PABPC4L: variants seen among roughly 807,000 people sequenced by gnomAD.
The protein encoded by PABPC4L is poly(A) binding protein cytoplasmic 4 like, also known as polyadenylate-binding protein 4-like.
For synonymous variants in PABPC4L, 169 were observed against 164.1 expected, an observed-to-expected ratio of 1.03 and a Z score of -0.23; for missense variants, 452 against 451.4, an observed-to-expected ratio of 1.00 and a Z score of -0.01.
the PABPC4L span, among the ~76,000 whole-genome samples, chr4:134,137,743 C>G: frequency 2.0e-5 from 3 of 151,958 alleles, no homozygotes; most frequent in East Asian, 5.8e-4. Context: ...GTAGTTCCAT[C>G]CTACATTCTT....
the PABPC4L span, among the ~76,000 whole-genome samples, chr4:133,990,506 G>A: frequency 6.6e-6 from 1 of 152,116 alleles, no homozygotes; most frequent in Admixed American, 6.6e-5. Context: ...GCAGACTCTG[G>A]CTGAGTAACA....
chr4:134,101,815 T>C, the PABPC4L span, among the ~76,000 whole-genome samples: 1 of 151,482 alleles, frequency 6.6e-6, no homozygotes, highest in Non-Finnish European at 1.5e-5. Context: ...CCTAAATAAA[T>C]ATATGGTAAG....
chr4:134,037,643 A>C, the PABPC4L span, among the ~76,000 whole-genome samples: 1 of 152,166 alleles, frequency 6.6e-6, no homozygotes, highest in East Asian at 1.9e-4. Context: ...ACAAATGGTT[A>C]ATAAACATGT....
At chr4:134,099,659 T>C in the PABPC4L span, among the ~76,000 whole-genome samples, 860 of 151,748 alleles carry the variant, frequency 5.7e-3, 7 homozygotes, top group African/African-American at 0.019. Context: ...ACTCTGCAAT[T>C]GTAAAGGAGT....
the PABPC4L span, among the ~76,000 whole-genome samples, chr4:134,045,169 TATC>T: frequency 6.1e-3 from 933 of 152,298 alleles, 6 homozygotes; most frequent in African/African-American, 0.021. Context: ...TCCTCTGAAA[TATC>T]AGCTCTAAAA....
At chr4:134,117,500 T>A in the PABPC4L span, among the ~76,000 whole-genome samples, 1 of 151,780 alleles carries the variant, frequency 6.6e-6, no homozygotes, top group Admixed American at 6.6e-5. Flanking sequence ...ATTTGAGAGA[T>A]CCTGAGCCAG....
At chr4:134,068,280 T>C in the PABPC4L span, among the ~76,000 whole-genome samples, 1 of 152,168 alleles carries the variant, frequency 6.6e-6, no homozygotes, top group African/African-American at 2.4e-5. Flanking sequence ...TGTAATATCC[T>C]TCTTTGTCTC....
the PABPC4L span, among the ~76,000 whole-genome samples, chr4:134,029,735 A>G: frequency 1.3e-5 from 2 of 151,878 alleles, no homozygotes; most frequent in African/African-American, 4.8e-5. Context: ...GGACATTTAT[A>G]TATATAACAT....
At chr4:134,025,167 C>T in the PABPC4L span, among the ~76,000 whole-genome samples, 1 of 151,164 alleles carries the variant, frequency 6.6e-6, no homozygotes, top group Admixed American at 6.6e-5. Context: ...CCCGTCTCTA[C>T]TAAACAAATA....
chr4:134,156,443 C>T, the PABPC4L span, among the ~76,000 whole-genome samples: 9 of 151,898 alleles, frequency 5.9e-5, no homozygotes, highest in African/African-American at 2.2e-4. Flanking sequence ...GATTAGCTCT[C>T]CAAGGATATT....
chr4:134,098,998 T>C, the PABPC4L span, among the ~76,000 whole-genome samples: 438 of 151,648 alleles, frequency 2.9e-3, 2 homozygotes, highest in African/African-American at 9.9e-3. Context: ...CTGATTCAAG[T>C]GGAGTTTAGA....
the PABPC4L span, among the ~76,000 whole-genome samples, chr4:134,068,497 T>G: frequency 1.3e-5 from 2 of 152,112 alleles, no homozygotes; most frequent in Admixed American, 6.5e-5. Flanking sequence ...TGCCTTTTCA[T>G]TGGTGTATTT....
chr4:133,949,478 G>A, the PABPC4L span, among the ~76,000 whole-genome samples: 1 of 152,188 alleles, frequency 6.6e-6, no homozygotes, highest in African/African-American at 2.4e-5. Context: ...TCCACCCCCA[G>A]TGAAGGGGCT....
At chr4:134,105,590 TTATC>T in the PABPC4L span, among the ~76,000 whole-genome samples, 14 of 151,772 alleles carry the variant, frequency 9.2e-5, no homozygotes, top group African/African-American at 2.6e-4. Flanking sequence ...TTTAAAATAT[TTATC>T]TAAGTTTTCT....
the PABPC4L span, among the ~76,000 whole-genome samples, chr4:134,026,242 T>A: frequency 1.2e-3 from 92 of 74,516 alleles, no homozygotes; most frequent in Non-Finnish European, 2.2e-3. Flanking sequence ...ATTTTTGCGA[T>A]TTTTTTTTTT....
the PABPC4L span, among the ~76,000 whole-genome samples, chr4:134,183,942 A>G: frequency 4.0e-4 from 61 of 151,562 alleles, no homozygotes; most frequent in Non-Finnish European, 3.7e-4. Flanking sequence ...GTGTGTGTAG[A>G]ACTTAACAAG....
chr4:134,183,937 TGTA>T, the PABPC4L span, among the ~76,000 whole-genome samples: 1 of 151,230 alleles, frequency 6.6e-6, no homozygotes, highest in African/African-American at 2.4e-5. Flanking sequence ...TGTGTGTGTG[TGTA>T]GAACTTAACA....
chr4:134,123,058 A>C, the PABPC4L span, among the ~76,000 whole-genome samples: 1 of 152,012 alleles, frequency 6.6e-6, no homozygotes, highest in Non-Finnish European at 1.5e-5. Flanking sequence ...TCCTAGAGGA[A>C]ATACAGGGTT....
chr4:133,965,232 A>T, the PABPC4L span, among the ~76,000 whole-genome samples: 1 of 152,186 alleles, frequency 6.6e-6, no homozygotes, highest in East Asian at 1.9e-4. Context: ...GCTGCAAAAA[A>T]TCTGAAATAT....
Sources: gnomAD v4.1 joint callset for allele counts (sites outside exome capture counted in the v4.1 genomes callset) on GRCh38, gnomAD v4.1.1 for gene constraint, MANE v1.5 for transcripts, NCBI Gene and HGNC (gene_info 2026-07-23, HGNC 2026-07-21) for gene names.